The following XPO4 variants were observed in gnomAD, a reference collection of about 807,000 sequenced individuals.
XPO4 encodes exportin-4.
Under a neutral mutation model 143.0 loss-of-function variants are expected in XPO4, and 39 were observed. The ratio of observed to expected loss-of-function variants is 0.27; its 90% CI spans 0.21 to 0.36. XPO4 has a LOEUF of 0.36. Ranked by LOEUF, XPO4 falls within the 10% of genes least tolerant of loss-of-function variation. The pLI, the probability that XPO4 is intolerant of heterozygous loss-of-function variation, is 1.00. For missense variants in XPO4, 907 were observed against 1,348.0 expected (o/e 0.67, Z 5.12); for synonymous variants, 439 against 474.0 (o/e 0.93, Z 0.96).
chr13:20,848,943 T>C, intron 4 of XPO4: 12 of 985,432 alleles, frequency 1.2e-5, no homozygotes, highest in Non-Finnish European at 1.4e-5. Context: ...GCTAACAATT[T>C]AAGTAACTCT....
chr13:20,828,887 C>T (rs773014620), intron 6 of XPO4, among the ~76,000 whole-genome samples: 19 of 152,142 alleles, frequency 1.2e-4, no homozygotes, highest in Non-Finnish European at 2.2e-4. Context: ...GTGTTCTTCA[C>T]CCAATACTAC....
At chr13:20,880,958 C>CA (rs35117619) in intron 1 of XPO4, among the ~76,000 whole-genome samples, 31,679 of 136,724 alleles carry the variant, frequency 0.23, 4,900 homozygotes, top group East Asian at 0.78. Context: ...ACCCTGCCTC[C>CA]AAAAAAAAAA....
At chr13:20,889,032 C>T (rs1198794633) in intron 1 of XPO4, among the ~76,000 whole-genome samples, 1 of 152,016 alleles carries the variant, frequency 6.6e-6, no homozygotes, top group Non-Finnish European at 1.5e-5. Flanking sequence ...AGGCTGGTCT[C>T]GAACTCCTGA....
chr13:20,902,580 G>T (rs2060632263), intron 1 of XPO4, 90 bp downstream of exon 1: 2 of 1,402,870 alleles, frequency 1.4e-6, no homozygotes, highest in African/African-American at 3.0e-5. Context: ...GCCCTTGCCA[G>T]TCGCCAGCCC....
intron 1 of XPO4, among the ~76,000 whole-genome samples, chr13:20,888,809 T>TC (rs202235506): frequency 6.8e-6 from 1 of 147,762 alleles, no homozygotes; most frequent in Admixed American, 6.8e-5. Flanking sequence ...AAAAGACACT[T>TC]TTTTTTTTTT....
chr13:20,787,973 A>C (rs899076330), intron 20 of XPO4, among the ~76,000 whole-genome samples: 2 of 152,216 alleles, frequency 1.3e-5, no homozygotes, highest in African/African-American at 4.8e-5. Context: ...TCAGAGATCT[A>C]TGAAAGGAGG....
chr13:20,892,600 T>C (rs114438812), intron 1 of XPO4, among the ~76,000 whole-genome samples: 1,939 of 152,170 alleles, frequency 0.013, 50 homozygotes, highest in African/African-American at 0.045. Context: ...TGAACAAATA[T>C]ACATTAGAGT....
At chr13:20,862,952 A>T in intron 2 of XPO4, 94 bp from the exon 3 acceptor site, 1 of 1,564,310 alleles carries the variant, frequency 6.4e-7, no homozygotes, top group Non-Finnish European at 8.6e-7. Flanking sequence ...TTTTCAGACA[A>T]GGAATAAGAT....
At chr13:20,885,722 T>C (rs1480029979) in intron 1 of XPO4, among the ~76,000 whole-genome samples, 5 of 152,182 alleles carry the variant, frequency 3.3e-5, no homozygotes, top group East Asian at 3.8e-4. Flanking sequence ...GAAGATCACA[T>C]GAGGTCAGGA....
chr13:20,815,512 T>TTA (rs2059638695), intron 9 of XPO4, among the ~76,000 whole-genome samples: 2 of 152,198 alleles, frequency 1.3e-5, no homozygotes, highest in Non-Finnish European at 2.9e-5. Context: ...ATAAATCTAA[T>TTA]ATCAGGTACT....
At chr13:20,876,963 C>T (rs1048740700) in intron 1 of XPO4, among the ~76,000 whole-genome samples, 15 of 152,192 alleles carry the variant, frequency 9.9e-5, no homozygotes, top group Non-Finnish European at 4.4e-5. Flanking sequence ...CCACATCCTG[C>T]TGATTGGTCC....
chr13:20,822,052 A>C, intron 8 of XPO4, 80 bp downstream of exon 8: 1 of 1,480,982 alleles, frequency 6.8e-7, no homozygotes, highest in Non-Finnish European at 9.0e-7. Context: ...GGGAAAAAAT[A>C]ACTAGTTTCT....
chr13:20,812,922 T>G (rs2059601981), intron 9 of XPO4, among the ~76,000 whole-genome samples: 2 of 152,186 alleles, frequency 1.3e-5, no homozygotes, highest in African/African-American at 4.8e-5. Flanking sequence ...TAGATCTGTG[T>G]ATTAGTTCAT....
intron 6 of XPO4, among the ~76,000 whole-genome samples, chr13:20,833,126 C>T (rs1381806957): frequency 6.6e-6 from 1 of 152,054 alleles, no homozygotes; most frequent in African/African-American, 2.4e-5. Flanking sequence ...AACTACTAGC[C>T]GAACTATATT....
chr13:20,899,665 A>C (rs1176235753), intron 1 of XPO4, among the ~76,000 whole-genome samples: 1 of 152,224 alleles, frequency 6.6e-6, no homozygotes, highest in African/African-American at 2.4e-5. Context: ...CAAAAGATCT[A>C]AGATTCTTCT....
chr13:20,801,914 C>T (rs2059439210), intron 13 of XPO4, among the ~76,000 whole-genome samples: 1 of 152,160 alleles, frequency 6.6e-6, no homozygotes, highest in Non-Finnish European at 1.5e-5. Flanking sequence ...CCCTTATCTT[C>T]CTGCAGCCTC....
chr13:20,842,831 G>T, intron 6 of XPO4, 64 bp downstream of exon 6: 5 of 1,437,920 alleles, frequency 3.5e-6, no homozygotes, highest in South Asian at 1.5e-5. Flanking sequence ...GAAAGACTCC[G>T]AGCTGTAATT....
At chr13:20,902,040 G>C (rs938175841) in intron 1 of XPO4, 11 of 977,002 alleles carry the variant, frequency 1.1e-5, no homozygotes, top group Non-Finnish European at 1.3e-5. Flanking sequence ...CATAGACTCA[G>C]TTCTCCAAAT....
chr13:20,848,796 T>C (rs1381922631), intron 4 of XPO4: 8 of 985,202 alleles, frequency 8.1e-6, no homozygotes, highest in Non-Finnish European at 9.6e-6. Context: ...TATTTTTTGG[T>C]TGTTTATAAA....
Sources: gnomAD v4.1 joint callset for allele counts (sites outside exome capture counted in the v4.1 genomes callset) on GRCh38, gnomAD v4.1.1 for gene constraint, MANE v1.5 for transcripts, NCBI Gene and HGNC (gene_info 2026-07-23, HGNC 2026-07-21) for gene names.